Variants in SRGAP2C observed in about 807,000 individuals in gnomAD.
SRGAP2C encodes SLIT-ROBO Rho GTPase activating protein 2C.
SRGAP2C carries 15 observed loss-of-function variants against 25.1 expected under a neutral mutation model. The observed-to-expected ratio is 0.60, with a 90% confidence interval of 0.40 to 0.92. The LOEUF (loss-of-function observed/expected upper bound fraction) is 0.92. SRGAP2C is among the 40% of genes least tolerant of loss of function. SRGAP2C has a pLI of 0.00. For missense variants in SRGAP2C, 144 were observed against 264.4 expected, an observed-to-expected ratio of 0.54 and a Z score of 3.16; for synonymous variants, 44 against 96.6, an observed-to-expected ratio of 0.46 and a Z score of 3.19.
chr1:121,228,667 T>C (rs1365822179), intron 2 of SRGAP2C, among the ~76,000 whole-genome samples: 1 of 151,908 alleles, frequency 6.6e-6, no homozygotes, highest in Non-Finnish European at 1.5e-5. Context: ...ACACCATCTC[T>C]TCTAATAGAT....
At chr1:121,261,092 C>CTCTTTT (rs1399110002) in intron 2 of SRGAP2C, among the ~76,000 whole-genome samples, 1 of 23,502 alleles carries the variant, frequency 4.3e-5, no homozygotes, top group Non-Finnish European at 9.3e-5. Flanking sequence ...CCACACCTGG[C>CTCTTTT]TATTTTTTTT....
chr1:121,229,357 CT>C (rs1228215063), intron 2 of SRGAP2C, among the ~76,000 whole-genome samples: 1 of 102,338 alleles, frequency 9.8e-6, no homozygotes, highest in Non-Finnish European at 1.9e-5. Context: ...TATAATGTAC[CT>C]TTTTTCCTAT....
At chr1:121,370,634 C>T (rs1464608404) in intron 5 of SRGAP2C, among the ~76,000 whole-genome samples, 4 of 151,874 alleles carry the variant, frequency 2.6e-5, no homozygotes, top group African/African-American at 4.8e-5. Context: ...TTAGTAGAGA[C>T]GGGGTTTCAT....
At chr1:121,347,842 C>A (rs1342385446) in intron 4 of SRGAP2C, among the ~76,000 whole-genome samples, 3 of 149,706 alleles carry the variant, frequency 2.0e-5, no homozygotes, top group Non-Finnish European at 4.4e-5. Flanking sequence ...CTCAATTGTC[C>A]CCAGGATTTG....
intron 2 of SRGAP2C, among the ~76,000 whole-genome samples, chr1:121,279,440 G>T (rs1363710713): frequency 6.8e-6 from 1 of 146,576 alleles, no homozygotes; most frequent in Non-Finnish European, 1.5e-5. Context: ...GTTTTCAGAG[G>T]ACTGTGTCAT....
chr1:121,289,451 C>T (rs1239478886), intron 3 of SRGAP2C, among the ~76,000 whole-genome samples: 4 of 151,212 alleles, frequency 2.6e-5, no homozygotes, highest in African/African-American at 4.9e-5. Flanking sequence ...GGCCCGCAAG[C>T]GCCGCACGCA....
chr1:121,359,820 A>G (rs1553348231), intron 4 of SRGAP2C, among the ~76,000 whole-genome samples: 1 of 152,228 alleles, frequency 6.6e-6, no homozygotes, highest in Non-Finnish European at 1.5e-5. Context: ...AAGAATAGGA[A>G]ATATCATAGT....
intron 4 of SRGAP2C, among the ~76,000 whole-genome samples, chr1:121,364,979 T>C (rs1659287200): frequency 2.5e-5 from 1 of 40,182 alleles, no homozygotes. Flanking sequence ...AGAAACCATG[T>C]TCCACCTAAC....
intron 4 of SRGAP2C, among the ~76,000 whole-genome samples, chr1:121,359,490 T>A (rs1284169119): frequency 3.3e-5 from 5 of 151,970 alleles, no homozygotes; most frequent in South Asian, 2.1e-4. Flanking sequence ...ACAATTTTTT[T>A]AAAAATTAGC....
intron 4 of SRGAP2C, among the ~76,000 whole-genome samples, chr1:121,358,604 G>A (rs2101642421): frequency 8.3e-6 from 1 of 120,786 alleles, no homozygotes; most frequent in East Asian, 2.5e-4. Context: ...GTTTTTTATG[G>A]TGCTTACAAG....
At chr1:121,355,478 C>G (rs1211618906) in intron 4 of SRGAP2C, among the ~76,000 whole-genome samples, 1 of 88,924 alleles carries the variant, frequency 1.1e-5, no homozygotes, top group Non-Finnish European at 2.3e-5. Context: ...CCACTACGCC[C>G]GGCTAACTTT....
intron 4 of SRGAP2C, among the ~76,000 whole-genome samples, chr1:121,353,099 G>GA (rs1367229063): frequency 1.0e-4 from 15 of 149,552 alleles, no homozygotes; most frequent in Non-Finnish European, 1.8e-4. Flanking sequence ...CCAAAAAAAA[G>GA]AAAAAAGAAA....
chr1:121,235,152 C>T (rs1443254109), intron 2 of SRGAP2C, among the ~76,000 whole-genome samples: 3 of 145,146 alleles, frequency 2.1e-5, no homozygotes, highest in African/African-American at 5.2e-5. Flanking sequence ...CTTCAGCTCC[C>T]GAGTAGCTGG....
intron 2 of SRGAP2C, among the ~76,000 whole-genome samples, chr1:121,206,490 A>C (rs1655112131): frequency 6.6e-6 from 1 of 152,088 alleles, no homozygotes; most frequent in South Asian, 2.1e-4. Flanking sequence ...CTCTGAGTTG[A>C]AGAGTGATGA....
intron 3 of SRGAP2C, among the ~76,000 whole-genome samples, chr1:121,306,978 TG>T (rs1250977487): frequency 2.0e-5 from 3 of 151,364 alleles, no homozygotes; most frequent in Non-Finnish European, 4.4e-5. Context: ...TTCTTTTTTT[TG>T]TTGAGATGGG....
At chr1:121,335,458 A>T (rs1437588984) in intron 4 of SRGAP2C, among the ~76,000 whole-genome samples, 1 of 121,840 alleles carries the variant, frequency 8.2e-6, no homozygotes, top group African/African-American at 3.1e-5. Context: ...TTTTTATTTC[A>T]GATTTTTTTT....
chr1:121,285,470 T>A (rs2101568933), intron 3 of SRGAP2C, among the ~76,000 whole-genome samples: 1 of 149,828 alleles, frequency 6.7e-6, no homozygotes, highest in South Asian at 2.1e-4. Context: ...GGAATTGGGC[T>A]GCAGGGTCTA....
chr1:121,385,143 C>T (rs1489367125), intron 8 of SRGAP2C, among the ~76,000 whole-genome samples: 5 of 147,912 alleles, frequency 3.4e-5, no homozygotes, highest in East Asian at 2.1e-4. Context: ...GCCTGGAAGT[C>T]GTTGAACTAG....
At chr1:121,351,670 C>T (rs1457036017) in intron 4 of SRGAP2C, among the ~76,000 whole-genome samples, 3 of 150,044 alleles carry the variant, frequency 2.0e-5, no homozygotes, top group Non-Finnish European at 4.4e-5. Flanking sequence ...GTGGAAGCAT[C>T]CCAAATGTTA....
Sources: gnomAD v4.1 joint callset for allele counts (sites outside exome capture counted in the v4.1 genomes callset) on GRCh38, gnomAD v4.1.1 for gene constraint, MANE v1.5 for transcripts, NCBI Gene and HGNC (gene_info 2026-07-23, HGNC 2026-07-21) for gene names.